Variants in CPPED1 observed in about 807,000 individuals in gnomAD.
CPPED1 encodes calcineurin like phosphoesterase domain containing 1, also known as serine/threonine-protein phosphatase CPPED1.
Under a neutral mutation model 28.0 loss-of-function variants are expected in CPPED1, and 28 were observed. That is an observed-to-expected ratio of 1.00 (90% confidence interval 0.74 to 1.37). The LOEUF (loss-of-function observed/expected upper bound fraction) is 1.37, where lower values mean the gene tolerates loss of function less well. CPPED1 is among the 40% of genes most tolerant of loss of function. The probability of loss-of-function intolerance (pLI) is 0.00; values close to 1 mark genes in which losing one functional copy is unlikely to be tolerated. For synonymous variants in CPPED1, 198 were observed against 180.2 expected (o/e 1.10, Z -0.79); for missense variants, 504 against 416.5 (o/e 1.21, Z -1.83).
Position 12,682,742 on chromosome 16 carries a change from G to A in CPPED1, c.716-17627C>T, listed in dbSNP as rs1596444157. On this transcript the variant is annotated intron_variant, in intron 3 of 3. Coordinates refer to ENST00000381774, the MANE Select transcript of CPPED1 (RefSeq NM_018340.3). This position sits in a 1 kb window ranked among gnomAD's most constrained non-coding sequence, Gnocchi z 6.1. ...ATACTTTCCTCTCATCCTTCTCTAA[G>A]TATCTGATCAGAAGATCTTTTTCTT... Among the ~76,000 whole-genome samples the A allele has an allele frequency of 6.6e-6, 1 of 152,350 alleles. No individual in the cohort carries two copies. The highest frequency in any genetic ancestry group is 2.4e-5 in the African/African-American group (1 of 41,578).
intron 2 of CPPED1, among the ~76,000 whole-genome samples, chr16:12,755,456 A>AT (rs1304613991): frequency 6.6e-6 from 1 of 151,376 alleles, no homozygotes; most frequent in Non-Finnish European, 1.5e-5. Context: ...TAATTTTTGT[A>AT]TTTTTTGTAG....
intron 2 of CPPED1, among the ~76,000 whole-genome samples, chr16:12,724,795 C>CT (rs1196980903): frequency 2.0e-4 from 30 of 151,782 alleles, no homozygotes; most frequent in East Asian, 1.9e-4. Context: ...GATTCTTTTT[C>CT]TTTTTTTTTG....
chr16:12,715,751 C>A (rs1036561219), intron 2 of CPPED1, among the ~76,000 whole-genome samples: 3 of 152,130 alleles, frequency 2.0e-5, no homozygotes, highest in Non-Finnish European at 4.4e-5. Flanking sequence ...TGGTCTCGAA[C>A]CCCCGACCTC....
chr16:12,796,951 T>A (rs1192666082), intron 1 of CPPED1, among the ~76,000 whole-genome samples: 23 of 152,140 alleles, frequency 1.5e-4, no homozygotes, highest in Admixed American at 1.5e-3. Context: ...TGGTTCAAGC[T>A]ACAAAATAAG....
intron 2 of CPPED1, among the ~76,000 whole-genome samples, chr16:12,759,650 C>CG (rs949806860): frequency 9.2e-5 from 14 of 152,058 alleles, no homozygotes; most frequent in Admixed American, 7.2e-4. Context: ...ATCATGGGGT[C>CG]GGGGGGTGGT....
At chr16:12,704,597 C>G in intron 3 of CPPED1, 27 bp downstream of exon 3, 3 of 1,583,684 alleles carry the variant, frequency 1.9e-6, no homozygotes, top group Non-Finnish European at 2.6e-6. Flanking sequence ...TCCTTCCTCC[C>G]TGAAACCCGT....
intron 2 of CPPED1, among the ~76,000 whole-genome samples, chr16:12,774,268 A>G (rs3974953): frequency 0.22 from 33,411 of 151,900 alleles, 4,178 homozygotes; most frequent in East Asian, 0.29. Context: ...TCAGGAGTTC[A>G]ACCAGCCTGG....
At chr16:12,803,654 C>A in intron 1 of CPPED1, 53 bp downstream of exon 1, 1 of 1,372,344 alleles carries the variant, frequency 7.3e-7, no homozygotes, top group Non-Finnish European at 9.6e-7. Flanking sequence ...GTTCCCCCGG[C>A]GGAAGGTTCC....
chr16:12,713,936 GC>G (rs1203753591), intron 2 of CPPED1, among the ~76,000 whole-genome samples: 4 of 151,812 alleles, frequency 2.6e-5, no homozygotes, highest in African/African-American at 9.7e-5. Flanking sequence ...CTTCCCCATT[GC>G]CCCCCAACTC....
chr16:12,725,605 G>A (rs1011879081), intron 2 of CPPED1, among the ~76,000 whole-genome samples: 5 of 152,138 alleles, frequency 3.3e-5, no homozygotes, highest in African/African-American at 1.2e-4. Flanking sequence ...TCAGCTGCAG[G>A]GGGTCCAGCA....
chr16:12,715,438 T>A (rs2080102314), intron 2 of CPPED1, among the ~76,000 whole-genome samples: 1 of 152,092 alleles, frequency 6.6e-6, no homozygotes, highest in Non-Finnish European at 1.5e-5. Context: ...GGTGGGCAGA[T>A]CACTTGAGGT....
rs2079846086 is a variant in CPPED1 at position 12,670,074 on chromosome 16, G to A, written c.716-4959C>T. On this transcript the variant is annotated intron_variant, in intron 3 of 3. Coordinates refer to ENST00000381774, the MANE Select transcript of CPPED1 (RefSeq NM_018340.3). The surrounding 1 kb of genome is among the most constrained non-coding windows in gnomAD (Gnocchi z 4.2). ...AGCACTTTGGGAGGCCAAGGTGAGA[G>A]GATCGCTTGAGGCCAGGAGTTCGAC... Among the ~76,000 whole-genome samples the A allele has an allele frequency of 6.6e-6, 1 of 152,194 alleles. No individual in the cohort carries two copies. The highest frequency in any genetic ancestry group is 1.5e-5 in the Non-Finnish European group (1 of 68,040).
intron 1 of CPPED1, among the ~76,000 whole-genome samples, chr16:12,784,951 A>T (rs1317191896): frequency 6.6e-6 from 1 of 152,262 alleles, no homozygotes; most frequent in Non-Finnish European, 1.5e-5. Context: ...GTACAAAATA[A>T]ACAGATTTGA....
At chr16:12,730,435 C>G (rs575763043) in intron 2 of CPPED1, among the ~76,000 whole-genome samples, 3 of 152,134 alleles carry the variant, frequency 2.0e-5, no homozygotes, top group Non-Finnish European at 4.4e-5. Flanking sequence ...TAATTCCACT[C>G]CTTGGAATAT....
At chr16:12,769,930 C>T (rs1011686712) in intron 2 of CPPED1, among the ~76,000 whole-genome samples, 1 of 152,108 alleles carries the variant, frequency 6.6e-6, no homozygotes, top group Non-Finnish European at 1.5e-5. Context: ...AACATAACAA[C>T]GCAAGGCTAA....
intron 3 of CPPED1, among the ~76,000 whole-genome samples, chr16:12,686,542 T>A (rs1209095261): frequency 6.6e-6 from 1 of 152,182 alleles, no homozygotes; most frequent in African/African-American, 2.4e-5. Flanking sequence ...TCTATTCCTG[T>A]GAAATTGCTT....
At position 12,704,941 on chromosome 16, in the gene CPPED1, G is replaced by C; in HGVS notation, c.398C>G (p.Thr133Ser). 1 of 1,614,190 alleles carries C rather than the reference G, an allele frequency of 6.2e-7. No individual in the cohort carries two copies. The highest frequency in any genetic ancestry group is 1.1e-5 in the South Asian group (1 of 91,074). Residue 133 changes from threonine (T) to serine (S), a missense_variant, in exon 3 of 4, where the codon ACC (threonine) becomes AGC (serine). Transcript: ENST00000381774. ...LVSGNHDIGNTPTAETVEEFC... is the reference protein window; with the variant it reads ...LVSGNHDIGNSPTAETVEEFC... Reference sequence around the variant, plus strand: ...CTCCTCGACGGTCTCGGCCGTGGGGGTGTTGCCAATGTCATGGTTGCCGCT... The same window carrying C: ...CTCCTCGACGGTCTCGGCCGTGGGGCTGTTGCCAATGTCATGGTTGCCGCT...
chr16:12,698,349 G>C (rs527634689), intron 3 of CPPED1, among the ~76,000 whole-genome samples: 4 of 152,224 alleles, frequency 2.6e-5, no homozygotes, highest in Admixed American at 2.0e-4. Flanking sequence ...CAGCGCAAAG[G>C]ATGTCAGAGC....
chr16:12,756,610 G>C (rs1453741817), intron 2 of CPPED1, among the ~76,000 whole-genome samples: 1 of 152,054 alleles, frequency 6.6e-6, no homozygotes, highest in Admixed American at 6.6e-5. Context: ...GGGAGGCTGA[G>C]GCACGAGAAT....
Sources: gnomAD v4.1 joint callset for allele counts (sites outside exome capture counted in the v4.1 genomes callset) on GRCh38, gnomAD v4.1.1 for gene constraint, Gnocchi (gnomAD v3.1) non-coding constraint, MANE v1.5 for transcripts, NCBI Gene and HGNC (gene_info 2026-07-23, HGNC 2026-07-21) for gene names.